The following NRXN1 variants were observed in gnomAD, a reference collection of about 807,000 sequenced individuals.
The protein encoded by NRXN1 is neurexin-1.
NRXN1 carries 39 observed loss-of-function variants against 150.9 expected under a neutral mutation model. That is an observed-to-expected ratio of 0.26 (90% CI 0.20 to 0.34). The LOEUF is 0.34. Ranked by LOEUF, NRXN1 falls within the 10% of genes least tolerant of loss-of-function variation. NRXN1 has a pLI of 1.00. For missense variants in NRXN1, 1,815 were observed against 1,949.9 expected (o/e 0.93, Z 1.30); for synonymous variants, 924 against 757.0 (o/e 1.22, Z -3.62).
At chr2:50,890,974 A>G (rs1286270974) in intron 5 of NRXN1, among the ~76,000 whole-genome samples, 3 of 152,028 alleles carry the variant, frequency 2.0e-5, no homozygotes, top group Non-Finnish European at 4.4e-5. Context: ...AAAACTTAAC[A>G]TATTTTAATC....
intron 2 of NRXN1, among the ~76,000 whole-genome samples, chr2:50,974,160 T>G (rs1316376155): frequency 6.6e-6 from 1 of 152,164 alleles, no homozygotes; most frequent in African/African-American, 2.4e-5. Flanking sequence ...AAACTGCCAT[T>G]TTTTCTCATG....
chr2:50,718,109 T>C (rs983058514), intron 5 of NRXN1, among the ~76,000 whole-genome samples: 4 of 152,204 alleles, frequency 2.6e-5, no homozygotes, highest in African/African-American at 9.6e-5. Context: ...CCGATGTTGT[T>C]TTCTTCATCA....
At chr2:50,321,541 G>A (rs766540271) in intron 17 of NRXN1, among the ~76,000 whole-genome samples, 1 of 152,130 alleles carries the variant, frequency 6.6e-6, no homozygotes, top group African/African-American at 2.4e-5. Flanking sequence ...GTGAGAATCA[G>A]GGAGACATAA....
intron 5 of NRXN1, among the ~76,000 whole-genome samples, chr2:50,733,514 G>A (rs1418490995): frequency 6.6e-6 from 1 of 152,114 alleles, no homozygotes; most frequent in Non-Finnish European, 1.5e-5. Context: ...AGTTATCTCT[G>A]CAGACTTTCT....
At chr2:50,516,202 T>A (rs34847952) in intron 12 of NRXN1, among the ~76,000 whole-genome samples, 43,483 of 152,048 alleles carry the variant, frequency 0.29, 7,036 homozygotes, top group South Asian at 0.38. Flanking sequence ...ATGAGCCACA[T>A]AATTTGAGAG....
chr2:50,573,363 TAA>T (rs35691955), intron 8 of NRXN1, among the ~76,000 whole-genome samples: 6 of 147,788 alleles, frequency 4.1e-5, no homozygotes, highest in South Asian at 2.2e-4. Flanking sequence ...ACTCTGTCTT[TAA>T]AAAAAAAAAA....
intron 17 of NRXN1, among the ~76,000 whole-genome samples, chr2:50,395,014 T>C (rs1192201017): frequency 6.6e-6 from 1 of 152,024 alleles, no homozygotes; most frequent in Non-Finnish European, 1.5e-5. Flanking sequence ...CCTCTCATAA[T>C]TTTTCCTAAT....
At chr2:50,499,152 C>T (rs534532502) in intron 13 of NRXN1, among the ~76,000 whole-genome samples, 1 of 152,234 alleles carries the variant, frequency 6.6e-6, no homozygotes, top group South Asian at 2.1e-4. Flanking sequence ...TGTTGTGCAA[C>T]AAAAACTGTT....
chr2:49,945,663 T>C (rs1196667365), intron 21 of NRXN1, among the ~76,000 whole-genome samples: 2 of 152,138 alleles, frequency 1.3e-5, no homozygotes, highest in African/African-American at 4.8e-5. Context: ...CTCTGATAGT[T>C]TGCTGAGAAT....
intron 18 of NRXN1, among the ~76,000 whole-genome samples, chr2:50,171,725 G>A (rs370074879): frequency 6.6e-6 from 1 of 152,080 alleles, no homozygotes; most frequent in East Asian, 1.9e-4. Context: ...GAAATGATCC[G>A]AGGACCACTA....
At chr2:49,973,812 C>T in intron 21 of NRXN1, 1 of 583,136 alleles carries the variant, frequency 1.7e-6, no homozygotes, top group Non-Finnish European at 3.0e-6. Flanking sequence ...ATGCAATCTT[C>T]AAGAAGAAAT....
At chr2:50,807,952 G>T (rs1667723725) in intron 5 of NRXN1, among the ~76,000 whole-genome samples, 1 of 152,026 alleles carries the variant, frequency 6.6e-6, no homozygotes, top group Admixed American at 6.6e-5. Flanking sequence ...TATATAAAAT[G>T]TCATCAAATT....
chr2:50,932,396 G>A (rs571554181), intron 2 of NRXN1, among the ~76,000 whole-genome samples: 16 of 152,032 alleles, frequency 1.1e-4, no homozygotes, highest in African/African-American at 3.9e-4. Flanking sequence ...TATGTATTAG[G>A]TCAATCTCTT....
intron 8 of NRXN1, among the ~76,000 whole-genome samples, chr2:50,610,933 A>C (rs1268835930): frequency 6.7e-6 from 1 of 149,646 alleles, no homozygotes; most frequent in African/African-American, 2.5e-5. Context: ...TTTAATAGAG[A>C]TGGGATTTCA....
At chr2:50,423,827 G>A (rs1041825017) in intron 17 of NRXN1, among the ~76,000 whole-genome samples, 11 of 152,214 alleles carry the variant, frequency 7.2e-5, no homozygotes, top group Middle Eastern at 3.4e-3. Flanking sequence ...TTACTATAGA[G>A]ATGATGTTTA....
intron 17 of NRXN1, among the ~76,000 whole-genome samples, chr2:50,310,767 A>G (rs540430762): frequency 1.6e-4 from 24 of 152,174 alleles, no homozygotes; most frequent in Non-Finnish European, 3.4e-4. Flanking sequence ...AGATATGTTT[A>G]TATCATATAT....
Position 50,215,473 on chromosome 2 carries a change from T to G in NRXN1, c.3546+21316A>C, listed in dbSNP as rs150691688. ...ATTGTCTCAATCAAATATTACTGGG[T>G]GAAAACATTTAATTTATAAATAAAA... On this transcript the variant is annotated intron_variant, in intron 18 of 22. Coordinates refer to ENST00000401669, the MANE Select transcript of NRXN1 (RefSeq NM_001330078.2). Among the ~76,000 whole-genome samples, 32 of 152,078 alleles carry G rather than the reference T, an allele frequency of 2.1e-4. No homozygotes were observed. In the East Asian group the frequency reaches 6.0e-3, roughly 29 times the overall value.
At position 50,496,007 on chromosome 2, in the gene NRXN1, T is replaced by C; in HGVS notation, c.2968A>G (p.Asn990Asp). The C allele has an allele frequency of 1.2e-6, 2 of 1,613,782 alleles. No individual in the cohort carries two copies. Among genetic ancestry groups the C allele is most frequent in the Non-Finnish European group, 1.7e-6 (2 of 1,179,800 alleles). Residue 990 changes from asparagine to aspartate, a missense_variant, in exon 15 of 23, where the codon AAC becomes GAC. This residue lies in a region of NRXN1 where 339 missense variants were observed against 440.3 expected (regional missense o/e 0.77). Transcript: ENST00000401669. ...NKPLNDNQWH[N>D]VMISRDTSNL... ...CTGGTGTCCCTTGATATCATCACGT[T>C]GTGCCACTGATTGTCATTGAGAGGT...
chr2:50,835,188 T>A (rs1430752871), intron 5 of NRXN1, among the ~76,000 whole-genome samples: 1 of 152,092 alleles, frequency 6.6e-6, no homozygotes, highest in Non-Finnish European at 1.5e-5. Flanking sequence ...AAACCACAAC[T>A]GATCTTTAAG....
Sources: allele counts gnomAD v4.1 joint callset (sites outside exome capture counted in the v4.1 genomes callset), GRCh38; gene constraint gnomAD v4.1.1; regional missense constraint gnomAD v4.1.1; transcripts MANE v1.5; gene names NCBI Gene and HGNC (gene_info 2026-07-23, HGNC 2026-07-21).